RPS6KC1: variants seen among roughly 807,000 people sequenced by gnomAD.
The protein encoded by RPS6KC1 is inactive ribosomal protein S6 kinase delta-1.
A neutral mutation model predicts 103.8 loss-of-function variants in RPS6KC1; 54 were observed. The observed-to-expected ratio is 0.52, with a 90% CI of 0.42 to 0.65. RPS6KC1 has a LOEUF of 0.65. RPS6KC1 is among the 30% of genes least tolerant of loss of function. RPS6KC1 has a pLI of 0.00. For synonymous variants in RPS6KC1, 439 were observed against 438.7 expected (o/e 1.00, Z -0.01); for missense variants, 1,151 against 1,253.8 (o/e 0.92, Z 1.24).
At chr1:213,744,352 A>G in the RPS6KC1 span, among the ~76,000 whole-genome samples, 1 of 152,252 alleles carries the variant, frequency 6.6e-6, no homozygotes, top group Non-Finnish European at 1.5e-5. Flanking sequence ...AGACCTCCCA[A>G]ATAAACATGC....
At chr1:213,637,165 G>T in the RPS6KC1 span, among the ~76,000 whole-genome samples, 1 of 152,152 alleles carries the variant, frequency 6.6e-6, no homozygotes, top group Non-Finnish European at 1.5e-5. Context: ...CTGTTGGTGG[G>T]AGTGTAAACT....
At chr1:213,202,146 T>C (rs1384329100) in intron 8 of RPS6KC1, among the ~76,000 whole-genome samples, 1 of 152,206 alleles carries the variant, frequency 6.6e-6, no homozygotes, top group Non-Finnish European at 1.5e-5. Flanking sequence ...CTCAGGTCTC[T>C]TTCCAAAACT....
chr1:213,681,319 AGC>A, the RPS6KC1 span, among the ~76,000 whole-genome samples: 1 of 152,230 alleles, frequency 6.6e-6, no homozygotes, highest in South Asian at 2.1e-4. Flanking sequence ...GGTAGAAAAC[AGC>A]CTTTCCTCTA....
the RPS6KC1 span, among the ~76,000 whole-genome samples, chr1:213,282,825 G>T: frequency 1.3e-5 from 2 of 152,318 alleles, no homozygotes; most frequent in South Asian, 4.1e-4. Context: ...AGAACACAGG[G>T]TTTCTGCCTT....
At chr1:213,374,932 G>T in the RPS6KC1 span, among the ~76,000 whole-genome samples, 1 of 152,012 alleles carries the variant, frequency 6.6e-6, no homozygotes, top group African/African-American at 2.4e-5. Context: ...CAGGATTTTT[G>T]GTTTCTACGT....
chr1:213,348,305 G>A, the RPS6KC1 span, among the ~76,000 whole-genome samples: 1 of 152,202 alleles, frequency 6.6e-6, no homozygotes, highest in East Asian at 1.9e-4. Context: ...AGAGGACTGT[G>A]ATAATAAACA....
At chr1:213,630,522 G>A in the RPS6KC1 span, among the ~76,000 whole-genome samples, 18 of 152,032 alleles carry the variant, frequency 1.2e-4, no homozygotes, top group African/African-American at 2.7e-4. Context: ...CCATGGGTTC[G>A]AACTTCCTCC....
the RPS6KC1 span, among the ~76,000 whole-genome samples, chr1:213,306,414 T>C: frequency 6.6e-5 from 10 of 152,316 alleles, no homozygotes; most frequent in Non-Finnish European, 1.2e-4. Flanking sequence ...GCAAGCAGCA[T>C]TGATAAATAG....
the RPS6KC1 span, among the ~76,000 whole-genome samples, chr1:213,399,192 T>C: frequency 6.6e-6 from 1 of 152,298 alleles, no homozygotes; most frequent in East Asian, 1.9e-4. Flanking sequence ...TATGCAGCAA[T>C]GTTGAGCAAG....
chr1:213,852,828 A>T, the RPS6KC1 span, among the ~76,000 whole-genome samples: 10 of 152,330 alleles, frequency 6.6e-5, no homozygotes, highest in East Asian at 1.9e-3. Context: ...ACAGAGAAAG[A>T]ATATCTAATT....
the RPS6KC1 span, among the ~76,000 whole-genome samples, chr1:213,309,509 A>G: frequency 1.3e-5 from 2 of 152,208 alleles, no homozygotes; most frequent in Non-Finnish European, 1.5e-5. Flanking sequence ...AACTTTGGAC[A>G]TCGTTAGTCC....
chr1:213,421,409 G>A, the RPS6KC1 span, among the ~76,000 whole-genome samples: 7 of 152,158 alleles, frequency 4.6e-5, no homozygotes, highest in African/African-American at 1.2e-4. Context: ...CACTGCGCCC[G>A]GCCCTCCAAT....
At chr1:213,545,432 AAAGAG>A in the RPS6KC1 span, among the ~76,000 whole-genome samples, 1 of 56,902 alleles carries the variant, frequency 1.8e-5, no homozygotes, top group Non-Finnish European at 5.6e-5. Flanking sequence ...AAATAAAATA[AAAGAG>A]AGAGAGAGAG....
intron 1 of RPS6KC1, among the ~76,000 whole-genome samples, chr1:213,059,628 C>T (rs968463860): frequency 6.6e-6 from 1 of 152,154 alleles, no homozygotes; most frequent in Admixed American, 6.5e-5. Context: ...ATTCTCCTGC[C>T]TCAGCCTCCC....
Position 213,262,727 on chromosome 1 carries a change from G to A in RPS6KC1, c.3001G>A (p.Val1001Ile). 1.2e-6 allele frequency: 2 copies of A among 1,603,762 alleles called. No homozygotes were observed. Among genetic ancestry groups the A allele is most frequent in the South Asian group, 1.1e-5 (1 of 90,890 alleles). ...LFELLTGKTL[V>I]ECHPAGINTH... ...ACCTGATTGATTGTTTCAGACTCTG[G>A]TTGAATGCCATCCAGCAGGAATAAA... The change falls in exon 14 of 15, where the codon GTT (valine) becomes ATT (isoleucine). Residue 1001 changes from valine to isoleucine, a missense_variant. Coordinates refer to ENST00000366960, the MANE Select transcript of RPS6KC1 (RefSeq NM_012424.6).
intron 8 of RPS6KC1, among the ~76,000 whole-genome samples, chr1:213,207,236 G>A (rs933017795): frequency 6.6e-6 from 1 of 152,146 alleles, no homozygotes; most frequent in African/African-American, 2.4e-5. Flanking sequence ...TCCATTTGTG[G>A]GGGAGATTTG....
chr1:213,818,455 T>C, the RPS6KC1 span: 1 of 152,184 alleles, frequency 6.6e-6, no homozygotes, highest in Non-Finnish European at 1.5e-5. Flanking sequence ...GGATAAAACA[T>C]CAAACCAGCC....
At chr1:213,173,000 A>G (rs1246050639) in intron 7 of RPS6KC1, among the ~76,000 whole-genome samples, 2 of 152,150 alleles carry the variant, frequency 1.3e-5, no homozygotes, top group African/African-American at 2.4e-5. Flanking sequence ...ACAACATTCT[A>G]TTATTTCATA....
At chr1:213,564,206 A>G in the RPS6KC1 span, among the ~76,000 whole-genome samples, 1 of 152,212 alleles carries the variant, frequency 6.6e-6, no homozygotes, top group South Asian at 2.1e-4. Flanking sequence ...TTTAAATGAT[A>G]GGTTAACTGG....
Sources: allele counts gnomAD v4.1 joint callset (sites outside exome capture counted in the v4.1 genomes callset), GRCh38; gene constraint gnomAD v4.1.1; transcripts MANE v1.5; gene names NCBI Gene and HGNC (gene_info 2026-07-23, HGNC 2026-07-21).